Variants in EXOC6B observed in about 807,000 individuals in gnomAD.
The protein encoded by EXOC6B is exocyst complex component 6B, also known as SEC15 homolog B.
EXOC6B carries 54 observed loss-of-function variants against 113.5 expected under a neutral mutation model. The observed-to-expected ratio is 0.48, with a 90% confidence interval of 0.38 to 0.60. The LOEUF (loss-of-function observed/expected upper bound fraction) is 0.60. Ranked by LOEUF, EXOC6B falls within the 20% of genes least tolerant of loss-of-function variation. The probability of loss-of-function intolerance (pLI) is 0.00; values close to 1 mark genes in which losing one functional copy is unlikely to be tolerated. For synonymous variants in EXOC6B, 357 were observed against 339.0 expected, an observed-to-expected ratio of 1.05 and a Z score of -0.58; for missense variants, 797 against 977.5, an observed-to-expected ratio of 0.82 and a Z score of 2.46.
At chr2:72,329,778 G>A (rs1220643168) in intron 20 of EXOC6B, among the ~76,000 whole-genome samples, 1 of 152,030 alleles carries the variant, frequency 6.6e-6, no homozygotes, top group African/African-American at 2.4e-5. Flanking sequence ...AAAGGTACGG[G>A]TTTTACCTCT....
At chr2:72,306,193 G>T (rs1686846641) in intron 20 of EXOC6B, among the ~76,000 whole-genome samples, 1 of 151,784 alleles carries the variant, frequency 6.6e-6, no homozygotes, top group East Asian at 1.9e-4. Context: ...AAAAAACAAG[G>T]TAAATAATAG....
chr2:72,606,350 A>G (rs192631427), intron 6 of EXOC6B, among the ~76,000 whole-genome samples: 7 of 152,280 alleles, frequency 4.6e-5, no homozygotes, highest in Admixed American at 4.6e-4. Context: ...ACAAGTACAC[A>G]CACACATACA....
intron 18 of EXOC6B, chr2:72,462,773 T>C (rs1433504816): frequency 6.6e-6 from 1 of 152,112 alleles, no homozygotes; most frequent in East Asian, 1.9e-4. Flanking sequence ...AAGACATGCA[T>C]GGCTCATTAT....
At chr2:72,417,274 C>T (rs1181831390) in intron 18 of EXOC6B, among the ~76,000 whole-genome samples, 1 of 152,194 alleles carries the variant, frequency 6.6e-6, no homozygotes, top group Non-Finnish European at 1.5e-5. Context: ...TCTCACCCCT[C>T]CACCTCCCAG....
chr2:72,672,676 TCATTA>T (rs1272191062), intron 6 of EXOC6B, among the ~76,000 whole-genome samples: 3 of 151,990 alleles, frequency 2.0e-5, no homozygotes, highest in African/African-American at 7.3e-5. Context: ...GAACCAAAGG[TCATTA>T]CATTAAGTGA....
intron 8 of EXOC6B, among the ~76,000 whole-genome samples, chr2:72,523,589 T>C (rs1482766618): frequency 6.6e-6 from 1 of 151,960 alleles, no homozygotes; most frequent in East Asian, 1.9e-4. Context: ...CCATCCTGGC[T>C]AACACGGTGA....
intron 6 of EXOC6B, among the ~76,000 whole-genome samples, chr2:72,650,612 G>A (rs201082214): frequency 2.7e-5 from 4 of 147,616 alleles, no homozygotes; most frequent in Non-Finnish European, 3.0e-5. Flanking sequence ...GAAAAGAAAA[G>A]AAAAAAAAAA....
At chr2:72,283,179 C>T (rs1034082982) in intron 20 of EXOC6B, among the ~76,000 whole-genome samples, 5 of 152,030 alleles carry the variant, frequency 3.3e-5, no homozygotes, top group Middle Eastern at 3.2e-3. Context: ...AATCTTCAAA[C>T]GACTAGGAAT....
intron 11 of EXOC6B, among the ~76,000 whole-genome samples, chr2:72,501,793 T>C (rs2105599663): frequency 6.7e-6 from 1 of 149,180 alleles, no homozygotes; most frequent in East Asian, 2.0e-4. Flanking sequence ...AGGGTTTCAC[T>C]CTGTCACCCA....
At chr2:72,335,231 A>G in intron 19 of EXOC6B, 2 of 552,986 alleles carry the variant, frequency 3.6e-6, no homozygotes, top group Non-Finnish European at 6.5e-6. Flanking sequence ...CAGCAAGGAA[A>G]CTGTACTAAT....
chr2:72,688,214 A>G (rs1410852660), intron 6 of EXOC6B, among the ~76,000 whole-genome samples: 3 of 152,198 alleles, frequency 2.0e-5, no homozygotes, highest in East Asian at 1.9e-4. Flanking sequence ...AGACTTTTCA[A>G]TGCTCTTGAC....
intron 1 of EXOC6B, among the ~76,000 whole-genome samples, chr2:72,801,807 A>G (rs1246423269): frequency 2.6e-5 from 4 of 152,204 alleles, no homozygotes; most frequent in African/African-American, 9.6e-5. Context: ...CCTTTCTACC[A>G]TGAGAAGATT....
chr2:72,819,764 A>AAG lies in EXOC6B; in HGVS notation c.113+6032_113+6033dup, dbSNP rs376096517. ...TTGGAGGAAGAGTATGAAAAGAAAA[A>AAG]AGAGAGAGAGAGAGAGAAAGCATCA... is the stretch of plus-strand genomic sequence containing the variant. On this transcript the variant is annotated intron_variant, in intron 1 of 21. Coordinates refer to ENST00000272427, the MANE Select transcript of EXOC6B (RefSeq NM_015189.3). Among the ~76,000 whole-genome samples, 40 of 151,692 alleles carry AAG rather than the reference A, an allele frequency of 2.6e-4. 1 individual carries two copies. Among genetic ancestry groups the AAG allele is most frequent in the African/African-American group, 8.0e-4 (33 of 41,404 alleles).
In EXOC6B at chr2:72,615,042, C is replaced by T. The variant is rs903543836; in HGVS notation, c.670-39374G>A. 2.0e-5 allele frequency among the ~76,000 whole-genome samples: 3 copies of T among 151,848 alleles called. No homozygotes were observed. The South Asian group carries it at 6.2e-4, about 32-fold the overall frequency. On this transcript the variant is annotated intron_variant, in intron 6 of 21. Transcript: ENST00000272427. The stretch of plus-strand genomic sequence containing the variant: ...CAAGGAAGCTTCCCTTGGTGCAGAG[C>T]AGAACAAAATATTTAAATGGGGGAG...
At chr2:72,437,918 A>C (rs1339364784) in intron 18 of EXOC6B, among the ~76,000 whole-genome samples, 2 of 152,232 alleles carry the variant, frequency 1.3e-5, no homozygotes, top group African/African-American at 2.4e-5. Context: ...GAACATTTTT[A>C]GGACAGCTGG....
At chr2:72,822,566 G>GT (rs1221826238) in intron 1 of EXOC6B, among the ~76,000 whole-genome samples, 1 of 152,098 alleles carries the variant, frequency 6.6e-6, no homozygotes, top group Non-Finnish European at 1.5e-5. Flanking sequence ...AAAATAATCC[G>GT]TATCATAGCA....
intron 11 of EXOC6B, among the ~76,000 whole-genome samples, chr2:72,512,814 A>ATAT (rs1701011908): frequency 1.3e-5 from 2 of 152,044 alleles, no homozygotes; most frequent in African/African-American, 2.4e-5. Flanking sequence ...AATAATAATA[A>ATAT]TACCTACCTT....
chr2:72,299,144 T>C (rs1686342595), intron 20 of EXOC6B, among the ~76,000 whole-genome samples: 1 of 152,128 alleles, frequency 6.6e-6, no homozygotes, highest in African/African-American at 2.4e-5. Context: ...ATTTGGTCTT[T>C]TCACATAGTC....
intron 7 of EXOC6B, among the ~76,000 whole-genome samples, chr2:72,568,900 T>A (rs1300054639): frequency 6.7e-6 from 1 of 149,794 alleles, no homozygotes; most frequent in East Asian, 1.9e-4. Context: ...AAAAGAGAGG[T>A]AGAAGTTTAT....
Sources: allele counts gnomAD v4.1 joint callset (sites outside exome capture counted in the v4.1 genomes callset), GRCh38; gene constraint gnomAD v4.1.1; transcripts MANE v1.5; gene names NCBI Gene and HGNC (gene_info 2026-07-23, HGNC 2026-07-21).